Variants in EDIL3 observed in about 807,000 individuals in gnomAD.
EDIL3 encodes EGF like and discoidin domains 3.
EDIL3 carries 37 observed loss-of-function variants against 67.4 expected under a neutral mutation model. The ratio of observed to expected loss-of-function variants is 0.55; its 90% confidence interval spans 0.42 to 0.72. The LOEUF is 0.72. Ranked by LOEUF, EDIL3 falls within the 30% of genes least tolerant of loss-of-function variation. The pLI is 0.00. For missense variants in EDIL3, 527 were observed against 586.3 expected (o/e 0.90, Z 1.04); for synonymous variants, 195 against 196.3 (o/e 0.99, Z 0.05).
chr5:84,135,282 C>G (rs531821475), intron 5 of EDIL3, among the ~76,000 whole-genome samples: 195 of 152,254 alleles, frequency 1.3e-3, no homozygotes, highest in Non-Finnish European at 1.8e-3. Context: ...GCTTCTCCCC[C>G]GCAATTGTTC....
At chr5:84,005,923 C>G (rs1206325013) in intron 9 of EDIL3, among the ~76,000 whole-genome samples, 3 of 151,790 alleles carry the variant, frequency 2.0e-5, no homozygotes, top group Admixed American at 2.0e-4. Context: ...TAGAATACTC[C>G]CAGAGTCTCT....
chr5:84,005,857 A>C (rs921601607), intron 9 of EDIL3, among the ~76,000 whole-genome samples: 7 of 151,874 alleles, frequency 4.6e-5, no homozygotes, highest in African/African-American at 7.2e-5. Context: ...AAAGCATCCA[A>C]ATAAGAAGAC....
At chr5:84,198,123 A>G (rs776519131) in intron 3 of EDIL3, among the ~76,000 whole-genome samples, 10 of 152,054 alleles carry the variant, frequency 6.6e-5, no homozygotes, top group Non-Finnish European at 1.0e-4. Context: ...ATTGAAGACT[A>G]GGAAACTCTA....
intron 5 of EDIL3, among the ~76,000 whole-genome samples, chr5:84,127,928 T>G (rs1747895616): frequency 6.6e-6 from 1 of 152,170 alleles, no homozygotes; most frequent in African/African-American, 2.4e-5. Context: ...TTTTAATAAC[T>G]AGCTGTACTA....
In EDIL3 at chr5:83,940,692, A is replaced by T. The variant is rs1744208391; in HGVS notation, c.*2727T>A. 1 of 152,030 alleles carries T rather than the reference A, an allele frequency of 6.6e-6. No individual in the cohort carries two copies. Among genetic ancestry groups the T allele is most frequent in the African/African-American group, 2.4e-5 (1 of 41,452 alleles). The allele number at this position is 152,030 out of a possible 1,614,324, so 9.4% of individuals were successfully genotyped here. A position where few individuals can be genotyped will look rare whatever the true frequency, so the allele number is the denominator to read the frequency against. ...TATAAGTATATATACAAAGAAAAAAACAACATTGGAATATTACACAGCTTG... is the reference window on the plus strand; with the variant it reads ...TATAAGTATATATACAAAGAAAAAATCAACATTGGAATATTACACAGCTTG... On this transcript the variant is annotated 3_prime_UTR_variant, in exon 11 of 11. Transcript: ENST00000296591.
intron 6 of EDIL3, among the ~76,000 whole-genome samples, chr5:84,067,711 C>A (rs1746669207): frequency 6.6e-6 from 1 of 152,080 alleles, no homozygotes; most frequent in African/African-American, 2.4e-5. Context: ...TGAAAACTGC[C>A]ACCCTATCGC....
intron 9 of EDIL3, among the ~76,000 whole-genome samples, chr5:84,017,751 T>A (rs1745635435): frequency 3.9e-5 from 6 of 152,192 alleles, no homozygotes; most frequent in Admixed American, 3.9e-4. Context: ...TTCATTCTGT[T>A]GTTTTCTTTT....
At chr5:84,168,428 T>C (rs1748751697) in intron 4 of EDIL3, among the ~76,000 whole-genome samples, 1 of 152,162 alleles carries the variant, frequency 6.6e-6, no homozygotes, top group East Asian at 1.9e-4. Flanking sequence ...ACCTTCCTTG[T>C]ACCTGTACAT....
intron 5 of EDIL3, among the ~76,000 whole-genome samples, chr5:84,134,636 TAA>T (rs1393999211): frequency 1.3e-5 from 2 of 152,176 alleles, no homozygotes; most frequent in Non-Finnish European, 2.9e-5. Flanking sequence ...TAAAATCTCT[TAA>T]GAGACTACAG....
chr5:84,212,703 C>A (rs911645384), intron 3 of EDIL3, among the ~76,000 whole-genome samples: 1 of 152,020 alleles, frequency 6.6e-6, no homozygotes, highest in Non-Finnish European at 1.5e-5. Flanking sequence ...GACAGACAAG[C>A]CTGGATTAAA....
chr5:84,192,751 G>A (rs1228120220), intron 3 of EDIL3, among the ~76,000 whole-genome samples: 1 of 151,964 alleles, frequency 6.6e-6, no homozygotes, highest in Non-Finnish European at 1.5e-5. Context: ...TGAAACGTCA[G>A]TAAACGAGAG....
intron 2 of EDIL3, among the ~76,000 whole-genome samples, chr5:84,247,205 G>C (rs745782372): frequency 5.9e-5 from 9 of 152,040 alleles, no homozygotes; most frequent in East Asian, 5.8e-4. Flanking sequence ...ATCTTAAGTA[G>C]AGGGGAAAAT....
intron 1 of EDIL3, among the ~76,000 whole-genome samples, chr5:84,288,882 T>C (rs1316182589): frequency 2.0e-5 from 3 of 152,056 alleles, no homozygotes; most frequent in Non-Finnish European, 4.4e-5. Flanking sequence ...TTTTTTTTTT[T>C]ACTCCTATAC....
intron 9 of EDIL3, among the ~76,000 whole-genome samples, chr5:84,036,190 T>A (rs1746019182): frequency 6.6e-6 from 1 of 152,176 alleles, no homozygotes; most frequent in Non-Finnish European, 1.5e-5. Context: ...ACCTGTCTCT[T>A]CTAGGGATGG....
chr5:83,953,732 T>C (rs1744459356), intron 10 of EDIL3, among the ~76,000 whole-genome samples: 1 of 151,830 alleles, frequency 6.6e-6, no homozygotes, highest in Non-Finnish European at 1.5e-5. Flanking sequence ...ACTGAATCCA[T>C]CTTTGGTTAA....
intron 1 of EDIL3, among the ~76,000 whole-genome samples, chr5:84,319,499 A>AAAAAAAAAAAAAAAAAAAAAAAAAAAAAC (rs1746586358): frequency 2.1e-4 from 2 of 9,720 alleles, no homozygotes; most frequent in Non-Finnish European, 1.2e-3. Flanking sequence ...AACAACAAAA[A>AAAAAAAAAAAAAAAAAAAAAAAAAAAAAC]AAAAAAAAAA....
At chr5:84,242,367 G>T (rs139859627) in intron 2 of EDIL3, among the ~76,000 whole-genome samples, 18 of 152,272 alleles carry the variant, frequency 1.2e-4, no homozygotes, top group Middle Eastern at 6.8e-3. Context: ...GAAGTACCAA[G>T]ATTTCAACTC....
At chr5:84,313,968 G>T (rs1480339632) in intron 1 of EDIL3, among the ~76,000 whole-genome samples, 1 of 152,074 alleles carries the variant, frequency 6.6e-6, no homozygotes, top group African/African-American at 2.4e-5. Context: ...GGCCAAGATG[G>T]GCAGATCACC....
chr5:84,277,557 A>T (rs532255203), intron 1 of EDIL3, among the ~76,000 whole-genome samples: 1 of 152,310 alleles, frequency 6.6e-6, no homozygotes, highest in Non-Finnish European at 1.5e-5. Flanking sequence ...AGTTGTTAAG[A>T]TCAGTATTTG....
Sources: allele counts gnomAD v4.1 joint callset (sites outside exome capture counted in the v4.1 genomes callset), GRCh38; gene constraint gnomAD v4.1.1; transcripts MANE v1.5; gene names NCBI Gene and HGNC (gene_info 2026-07-23, HGNC 2026-07-21).